RAPGEF3: variants seen among roughly 807,000 people sequenced by gnomAD.
The protein encoded by RAPGEF3 is Rap guanine nucleotide exchange factor 3.
In RAPGEF3, 103 loss-of-function variants were observed where a neutral mutation model predicts 129.8. The ratio of observed to expected loss-of-function variants is 0.79; its 90% CI spans 0.68 to 0.93. RAPGEF3 has a LOEUF of 0.93. Among genes scored for constraint, RAPGEF3 ranks in the 40% least tolerant of loss-of-function variants. The probability of loss-of-function intolerance (pLI) is 0.00; values close to 1 mark genes in which losing one functional copy is unlikely to be tolerated. For missense variants in RAPGEF3, 1,117 were observed against 1,207.4 expected (o/e 0.93, Z 1.11); for synonymous variants, 436 against 482.6 (o/e 0.90, Z 1.26).
rs113726520 is a variant in RAPGEF3, at chr12:47,742,107, C to G, written c.1826-505G>C. The G allele has an allele frequency of 6.5e-3, 998 of 152,986 alleles. 6 individuals carry two copies. Among genetic ancestry groups the G allele is most frequent in the African/African-American group, 0.022 (912 of 41,556 alleles). The allele number at this position is 152,986 out of a possible 1,614,324, so 9.5% of individuals were successfully genotyped here. A position where few individuals can be genotyped will look rare whatever the true frequency, so the allele number is the denominator to read the frequency against. On this transcript the variant is annotated intron_variant, in intron 18 of 27. Transcript: ENST00000449771. ...CCAAAGTAAGGTACATCAGATCATC[C>G]ATGTGCCTGGGGAAAATATGAGCTC...
At chr12:47,748,179 G>T in intron 12 of RAPGEF3, 27 bp from the exon 13 acceptor site, 1 of 1,527,348 alleles carries the variant, frequency 6.5e-7, no homozygotes, top group Non-Finnish European at 8.9e-7. Context: ...GGGGATGGGA[G>T]GAGGCTTCAG....
In RAPGEF3 at chr12:47,744,054, A is replaced by G; in HGVS notation, c.1611T>C (p.Pro537=). 1 of 1,607,624 alleles carries G rather than the reference A, an allele frequency of 6.2e-7. No individual in the cohort carries two copies. The highest frequency in any genetic ancestry group is 2.2e-5 in the East Asian group (1 of 44,840). The change falls in exon 17 of 28, where the codon CCT becomes CCC. Residue 537 remains proline (P), a synonymous_variant. Transcript: ENST00000449771. ...ASPQMKARNL[P]VWLPNQDEPL... is the part of the protein sequence containing the mutation. ...GCTCGTCCTGGTTGGGGAGCCAAAC[A>G]GGCAAGTTCCGGGCCTGGGAGGAAG...
At chr12:47,746,794 A>AG in intron 16 of RAPGEF3, 66 bp downstream of exon 16, 2 of 1,468,926 alleles carry the variant, frequency 1.4e-6, no homozygotes, top group South Asian at 2.4e-5. Context: ...CCTCAGGGTC[A>AG]GGGGGCGAAG....
At position 47,758,642 on chromosome 12, in the gene RAPGEF3, A is replaced by G; in HGVS notation, c.-86T>C. 5 of 1,596,242 alleles carry G rather than the reference A, an allele frequency of 3.1e-6. No homozygotes were observed. In the South Asian group the frequency reaches 4.5e-5, roughly 14 times the overall value. On this transcript the variant is annotated 5_prime_UTR_variant, in exon 1 of 28. Transcript: ENST00000449771. The stretch of plus-strand genomic sequence containing the variant: ...GACCCCCATCAGCTTTGATAAGGGG[A>G]TCCGGAGGGTGCCAGTGGGTAAGTC...
At chr12:47,747,965 C>A in intron 13 of RAPGEF3, 103 bp from the exon 14 acceptor site, 1 of 1,579,758 alleles carries the variant, frequency 6.3e-7, no homozygotes, top group Non-Finnish European at 8.6e-7. Context: ...GGCCTGGCAG[C>A]AGGCTGGCAT....
Position 47,743,425 on chromosome 12 carries a change from G to A in RAPGEF3, c.1825+105C>T, listed in dbSNP as rs74088033. On this transcript the variant is annotated intron_variant, in intron 18 of 27. Coordinates refer to ENST00000449771, the MANE Select transcript of RAPGEF3 (RefSeq NM_001098531.4). ...AATGCTAGCCATCATTCACACTGAG[G>A]AAGACCAGAAAGATGACAATGATGA... The A allele has an allele frequency of 5.7e-4, 805 of 1,415,558 alleles. 7 individuals carry two copies. The African/African-American group carries it at 0.011, about 19-fold the overall frequency. 87.7% of individuals were successfully genotyped at this position (1,415,558 alleles called of 1,614,324 possible).
At chr12:47,740,456 C>T (rs1286143212) in intron 21 of RAPGEF3, 61 bp from the exon 22 acceptor site, 2 of 1,556,066 alleles carry the variant, frequency 1.3e-6, no homozygotes, top group Non-Finnish European at 1.8e-6. Flanking sequence ...TACAGTGCCC[C>T]CAGACAACAG....
chr12:47,743,949 A>C (rs774674822), intron 17 of RAPGEF3, 38 bp downstream of exon 17: 1 of 1,534,240 alleles, frequency 6.5e-7, no homozygotes, highest in Non-Finnish European at 9.0e-7. Context: ...AGCAGGGTGC[A>C]GATGTCGGGC....
chr12:47,738,718 A>G lies in RAPGEF3; in HGVS notation c.2498T>C (p.Val833Ala). 1 of 1,610,602 alleles carries G rather than the reference A, an allele frequency of 6.2e-7. No individual in the cohort carries two copies. The change falls in exon 25 of 28, where the codon GTG (valine) becomes GCG (alanine). Residue 833 changes from valine (V) to alanine (A), a missense_variant. Transcript: ENST00000449771. ...TFIHEGNHTL[V>A]ENLINFEKMR... Reference sequence around the variant, plus strand: ...CTTCTCAAAGTTGATGAGATTCTCCACTAGTGTGTGGTTTCCCTCATGAAT... The same window carrying G: ...CTTCTCAAAGTTGATGAGATTCTCCGCTAGTGTGTGGTTTCCCTCATGAAT...
rs773140672 is a variant in RAPGEF3 at position 47,741,064 on chromosome 12, G to C, written c.1924-24C>G. On this transcript the variant is annotated intron_variant, in intron 19 of 27. Transcript: ENST00000449771. The stretch of plus-strand genomic sequence containing the variant: ...ATCTGCGGGTGGGAGAGTGCTCAGG[G>C]GGCTGCCTGAGGAATCCAGGGAAAG... 14 of 1,609,382 alleles carry C rather than the reference G, an allele frequency of 8.7e-6. No individual in the cohort carries two copies. The East Asian group carries it at 2.9e-4, about 33-fold the overall frequency.
Position 47,750,278 on chromosome 12 carries a change from C to T in RAPGEF3, c.756+63G>A, listed in dbSNP as rs924492966. ...CCCTCTGGCCCAGCAGTTGGAGTTT[C>T]AGGGAAGTCACAGGAAGAGAAGATG... On this transcript the variant is annotated intron_variant, in intron 7 of 27. Transcript: ENST00000449771. 103 of 1,506,350 alleles carry T rather than the reference C, an allele frequency of 6.8e-5. 1 individual carries two copies. Among genetic ancestry groups the T allele is most frequent in the Non-Finnish European group, 8.8e-5 (96 of 1,086,210 alleles). The allele number at this position is 1,506,350 out of a possible 1,614,324, so 93.3% of individuals were successfully genotyped here.
In RAPGEF3 at chr12:47,749,622, A is replaced by G; in HGVS notation, c.895-86T>C. The G allele has an allele frequency of 6.4e-7, 1 of 1,565,090 alleles. No homozygotes were observed. Among genetic ancestry groups the G allele is most frequent in the Non-Finnish European group, 8.7e-7 (1 of 1,155,278 alleles). On this transcript the variant is annotated intron_variant, in intron 9 of 27. Coordinates refer to ENST00000449771, the MANE Select transcript of RAPGEF3 (RefSeq NM_001098531.4). This position sits in a 1 kb window ranked among gnomAD's most constrained non-coding sequence, Gnocchi z 4.5. ...AGGACAGACCCACGGCAGGAGAACA[A>G]CCCACACAGGAGACACGGGGTCAGC...
intron 2 of RAPGEF3, among the ~76,000 whole-genome samples, 184 bp downstream of exon 2, chr12:47,757,682 G>A (rs536667917): frequency 1.1e-3 from 172 of 152,078 alleles, no homozygotes; most frequent in Non-Finnish European, 1.9e-3. Context: ...ACACACACAC[G>A]TTGCAGCTGT....
At position 47,748,466 on chromosome 12, in the gene RAPGEF3, G is replaced by A; in HGVS notation, c.1231C>T (p.His411Tyr). 6.2e-7 allele frequency: 1 copy of A among 1,613,532 alleles called. No homozygotes were observed. The highest frequency in any genetic ancestry group is 8.5e-7 in the Non-Finnish European group (1 of 1,179,812). The change falls in exon 12 of 28, where the codon CAT becomes TAT. Residue 411 changes from histidine (H) to tyrosine (Y), a missense_variant. His to Tyr is a moderately conservative substitution (Grantham distance 83, BLOSUM62 2). Transcript: ENST00000449771. Reference sequence around the variant, plus strand: ...CTCTTGCCCTTACCTGTTGGGTCATGAGCACTGGAATCTGGTCCCATGGCC... The same window carrying A: ...CTCTTGCCCTTACCTGTTGGGTCATAAGCACTGGAATCTGGTCCCATGGCC... ...LEAMGPDSSAHDPTETFLSDF... is the reference protein window; with the variant it reads ...LEAMGPDSSAYDPTETFLSDF...
chr12:47,751,401 T>C lies in RAPGEF3; in HGVS notation c.500A>G (p.His167Arg). Residue 167 changes from histidine (H) to arginine (R), a missense_variant and splice_region_variant, in exon 5 of 28, where the codon CAT becomes CGT. This residue lies in a region of RAPGEF3 where 367 missense variants were observed against 373.4 expected (regional missense o/e 0.98). Coordinates refer to ENST00000449771, the MANE Select transcript of RAPGEF3 (RefSeq NM_001098531.4). The part of the protein sequence containing the change: ...QVLLDEGALC[H>R]VKHDWAFQDR... ...CCCCACCCTGGGCTCGGGCTCACCA[T>C]GGCAGAGGGCACCTTCATCCAGCAG... is the stretch of plus-strand genomic sequence containing the variant. 6.2e-7 allele frequency: 1 copy of C among 1,613,952 alleles called. No individual in the cohort carries two copies. Among genetic ancestry groups the C allele is most frequent in the Non-Finnish European group, 8.5e-7 (1 of 1,179,986 alleles).
At chr12:47,743,939 A>T in intron 17 of RAPGEF3, 48 bp downstream of exon 17, 2 of 1,524,898 alleles carry the variant, frequency 1.3e-6, no homozygotes, top group Non-Finnish European at 1.8e-6. Flanking sequence ...AGGCAGAGAC[A>T]GCAGGGTGCA....
intron 1 of RAPGEF3, 86 bp downstream of exon 1, chr12:47,758,465 C>A: frequency 6.3e-7 from 1 of 1,588,106 alleles, no homozygotes; most frequent in Non-Finnish European, 8.6e-7. Flanking sequence ...GACTAACCCT[C>A]CCTCTCCCAC....
chr12:47,750,475 G>C (rs958503971), intron 6 of RAPGEF3, 50 bp from the exon 7 acceptor site: 2 of 1,523,784 alleles, frequency 1.3e-6, no homozygotes, highest in Non-Finnish European at 8.9e-7. Context: ...GGGCCCGTCA[G>C]GTGCAGGGAG....
intron 2 of RAPGEF3, among the ~76,000 whole-genome samples, chr12:47,753,064 TCACTTTACAGTTTACAAAG>T (rs1213784440): frequency 2.0e-5 from 3 of 152,314 alleles, no homozygotes; most frequent in Non-Finnish European, 4.4e-5. Flanking sequence ...CTCAAAGGGC[TCACTTTACAGTTTACAAAG>T]CACTTTACAG....
Sources: allele counts gnomAD v4.1 joint callset (sites outside exome capture counted in the v4.1 genomes callset), GRCh38; gene constraint gnomAD v4.1.1; regional missense constraint gnomAD v4.1.1; non-coding constraint Gnocchi (gnomAD v3.1); transcripts MANE v1.5; gene names NCBI Gene and HGNC (gene_info 2026-07-23, HGNC 2026-07-21).